The following AFF1 variants were observed in gnomAD, a reference collection of about 807,000 sequenced individuals.
AFF1 encodes ALF transcription elongation factor 1.
Under a neutral mutation model 121.7 loss-of-function variants are expected in AFF1, and 48 were observed. The observed-to-expected ratio is 0.39, with a 90% CI of 0.31 to 0.50. AFF1 has a LOEUF of 0.50. Among genes scored for constraint, AFF1 ranks in the 20% least tolerant of loss-of-function variants. AFF1 has a pLI of 0.76. For synonymous variants in AFF1, 613 were observed against 563.0 expected (o/e 1.09, Z -1.26); for missense variants, 1,523 against 1,511.7 (o/e 1.01, Z -0.12).
At chr4:87,079,774 C>T (rs1722997202) in intron 4 of AFF1, among the ~76,000 whole-genome samples, 1 of 152,104 alleles carries the variant, frequency 6.6e-6, no homozygotes, top group African/African-American at 2.4e-5. Flanking sequence ...AAGCATGTCT[C>T]CTCGTTTTAA....
In AFF1 at chr4:87,138,545, A is replaced by C. The variant is rs377093348; in HGVS notation, c.*2844A>C. On this transcript the variant is annotated 3_prime_UTR_variant, in exon 21 of 21. Transcript: ENST00000395146. ...TGTCTTTAGTAGGAAATGGAAGAACACTGTTTTATTTTTTAAAGTGTTTAA... is the reference window on the plus strand; with the variant it reads ...TGTCTTTAGTAGGAAATGGAAGAACCCTGTTTTATTTTTTAAAGTGTTTAA... The C allele has an allele frequency of 8.9e-6, 2 of 225,864 alleles. No homozygotes were observed. The highest frequency in any genetic ancestry group is 3.7e-4 in the South Asian group (2 of 5,394). 14.0% of individuals were successfully genotyped at this position (225,864 alleles called of 1,614,324 possible).
chr4:87,030,228 A>G (rs2149580779), intron 2 of AFF1, among the ~76,000 whole-genome samples: 1 of 152,162 alleles, frequency 6.6e-6, no homozygotes, highest in East Asian at 1.9e-4. Flanking sequence ...GATGGTAAAT[A>G]TTTTAGGCTT....
chr4:87,007,868 C>T (rs1022826268), intron 2 of AFF1, among the ~76,000 whole-genome samples: 36 of 152,166 alleles, frequency 2.4e-4, no homozygotes, highest in African/African-American at 8.4e-4. Flanking sequence ...GAGAATTTGC[C>T]TGGTGAGTGA....
At chr4:86,939,821 C>T (rs1228379922) in intron 1 of AFF1, among the ~76,000 whole-genome samples, 2 of 152,172 alleles carry the variant, frequency 1.3e-5, no homozygotes, top group Non-Finnish European at 1.5e-5. Flanking sequence ...TCTGATGCAG[C>T]AGGTCTAGGG....
chr4:87,012,123 G>C (rs1413951761), intron 2 of AFF1, among the ~76,000 whole-genome samples: 1 of 151,476 alleles, frequency 6.6e-6, no homozygotes, highest in Admixed American at 6.6e-5. Context: ...CATAATACCT[G>C]TAAGAGAGAG....
At chr4:87,029,276 G>A (rs1728835044) in intron 2 of AFF1, among the ~76,000 whole-genome samples, 1 of 152,156 alleles carries the variant, frequency 6.6e-6, no homozygotes, top group Non-Finnish European at 1.5e-5. Context: ...GAGTGCAGGT[G>A]GGGCATAGAG....
At chr4:86,962,392 A>G (rs1368252499) in intron 2 of AFF1, among the ~76,000 whole-genome samples, 1 of 152,202 alleles carries the variant, frequency 6.6e-6, no homozygotes, top group Admixed American at 6.5e-5. Flanking sequence ...TTTGTAAAAT[A>G]AGGATAATAA....
chr4:87,000,640 T>TGTGTGTGTGTGG (rs1407615567), intron 2 of AFF1, among the ~76,000 whole-genome samples: 1 of 148,856 alleles, frequency 6.7e-6, no homozygotes, highest in Non-Finnish European at 1.5e-5. Context: ...TGTGTGTGTG[T>TGTGTGTGTGTGG]GGCAGAGGAA....
chr4:86,951,089 A>C (rs1054324689), intron 2 of AFF1, among the ~76,000 whole-genome samples: 2 of 152,214 alleles, frequency 1.3e-5, no homozygotes, highest in Non-Finnish European at 2.9e-5. Flanking sequence ...AGTGTTTTTT[A>C]CATAACAATC....
intron 17 of AFF1, 81 bp from the exon 18 acceptor site, chr4:87,131,712 A>T: frequency 8.2e-7 from 1 of 1,215,324 alleles, no homozygotes; most frequent in Non-Finnish European, 1.2e-6. Context: ...AAAAGTCAAT[A>T]TAAAATGGAA....
chr4:87,135,015 G>GA (rs2149807026), intron 20 of AFF1, among the ~76,000 whole-genome samples: 2 of 152,342 alleles, frequency 1.3e-5, no homozygotes, highest in East Asian at 3.9e-4. Flanking sequence ...AAATGAAGAA[G>GA]AGGAGCCACT....
chr4:87,073,633 G>A (rs1722357728), intron 4 of AFF1, among the ~76,000 whole-genome samples: 1 of 152,148 alleles, frequency 6.6e-6, no homozygotes, highest in Admixed American at 6.6e-5. Flanking sequence ...CAGACAAAGC[G>A]TGGATTAAAT....
At chr4:87,129,840 C>T (rs1007938996) in intron 16 of AFF1, among the ~76,000 whole-genome samples, 17 of 152,272 alleles carry the variant, frequency 1.1e-4, no homozygotes, top group African/African-American at 3.4e-4. Context: ...CTGGGAGAAG[C>T]GTTGTTTCTG....
chr4:87,131,313 C>A, intron 17 of AFF1, 94 bp downstream of exon 17: 1 of 1,489,286 alleles, frequency 6.7e-7, no homozygotes, highest in South Asian at 1.3e-5. Context: ...GAAGATGGCT[C>A]AATAAAGGGG....
At chr4:86,969,022 T>G (rs1414048789) in intron 2 of AFF1, among the ~76,000 whole-genome samples, 1 of 152,090 alleles carries the variant, frequency 6.6e-6, no homozygotes, top group African/African-American at 2.4e-5. Context: ...GAGCAGAAGA[T>G]TGTGTTCATT....
chr4:86,961,894 G>A (rs1168259384), intron 2 of AFF1, among the ~76,000 whole-genome samples: 2 of 152,024 alleles, frequency 1.3e-5, no homozygotes, highest in Non-Finnish European at 2.9e-5. Flanking sequence ...TTCTACATCC[G>A]GCAGAGGCTT....
At chr4:86,985,175 G>A (rs56397302) in intron 2 of AFF1, among the ~76,000 whole-genome samples, 1,932 of 71,832 alleles carry the variant, frequency 0.027, 39 homozygotes, top group Non-Finnish European at 0.035. Context: ...TATATAATAT[G>A]TATTACTATA....
At chr4:87,003,119 TATC>T (rs1312697728) in intron 2 of AFF1, among the ~76,000 whole-genome samples, 1 of 152,234 alleles carries the variant, frequency 6.6e-6, no homozygotes, top group Non-Finnish European at 1.5e-5. Context: ...TATAATCTAG[TATC>T]ATCCCACTTG....
In AFF1 at chr4:87,131,124, C is replaced by T. The variant is rs780417337; in HGVS notation, c.3006C>T (p.Val1002=). The T allele has an allele frequency of 1.9e-5, 30 of 1,614,206 alleles. No individual in the cohort carries two copies. Among genetic ancestry groups the T allele is most frequent in the Non-Finnish European group, 2.5e-5 (30 of 1,180,036 alleles). Residue 1002 remains valine (V), a synonymous_variant, in exon 17 of 21, where the codon GTC becomes GTT. Coordinates refer to ENST00000395146, the MANE Select transcript of AFF1 (RefSeq NM_001166693.3). ...VGKAFKYLEA[V]LSFIECGIAT... Reference sequence around the variant, plus strand: ...AGGCTTTTAAGTACCTGGAAGCCGTCTTGTCCTTCATTGAGTGCGGAATTG... The same window carrying T: ...AGGCTTTTAAGTACCTGGAAGCCGTTTTGTCCTTCATTGAGTGCGGAATTG...
Sources: allele counts gnomAD v4.1 joint callset (sites outside exome capture counted in the v4.1 genomes callset), GRCh38; gene constraint gnomAD v4.1.1; transcripts MANE v1.5; gene names NCBI Gene and HGNC (gene_info 2026-07-23, HGNC 2026-07-21).